The following COL4A6 variants were observed in gnomAD, a reference collection of about 807,000 sequenced individuals.
COL4A6 encodes the protein collagen alpha-6(IV) chain.
A neutral mutation model predicts 126.7 loss-of-function variants in COL4A6; 59 were observed. The ratio of observed to expected loss-of-function variants is 0.47; its 90% CI spans 0.38 to 0.58. COL4A6 has a LOEUF of 0.58. Among genes scored for constraint, COL4A6 ranks in the 20% least tolerant of loss-of-function variants. The pLI, the probability that COL4A6 is intolerant of heterozygous loss-of-function variation, is 0.00. For synonymous variants in COL4A6, 547 were observed against 496.6 expected (o/e 1.10, Z -1.35); for missense variants, 1,285 against 1,337.3 (o/e 0.96, Z 0.61).
chrX:108,300,366 C>CTCTGTG (rs1337028378), intron 3 of COL4A6, among the ~76,000 whole-genome samples: 164 of 98,172 alleles, frequency 1.7e-3, no homozygotes, highest in African/African-American at 5.8e-3. Context: ...CTCTCTCTCT[C>CTCTGTG]TGTGTGTGTG....
At chrX:108,436,695 C>A (rs2064273852) in intron 2 of COL4A6, among the ~76,000 whole-genome samples, 1 of 111,808 alleles carries the variant, frequency 8.9e-6, no homozygotes. Context: ...CTTACGAAGT[C>A]CAGAATTTAC....
intron 3 of COL4A6, among the ~76,000 whole-genome samples, chrX:108,276,776 G>T (rs2037615348): frequency 8.9e-6 from 1 of 111,869 alleles, no homozygotes; most frequent in Admixed American, 9.5e-5. Context: ...AAAGGTGTTT[G>T]CTGCTTGGCT....
At chrX:108,277,429 G>A (rs1475605991) in intron 3 of COL4A6, among the ~76,000 whole-genome samples, 2 of 112,517 alleles carry the variant, frequency 1.8e-5, no homozygotes, top group Non-Finnish European at 3.8e-5. Flanking sequence ...TGGCAGCGAG[G>A]CTGGGGGATG....
chrX:108,234,493 C>G (rs1490316493), intron 3 of COL4A6, among the ~76,000 whole-genome samples: 1 of 111,982 alleles, frequency 8.9e-6, no homozygotes, highest in African/African-American at 3.2e-5. Flanking sequence ...ACTGACAACT[C>G]ATCGGTTCAG....
intron 3 of COL4A6, among the ~76,000 whole-genome samples, chrX:108,292,517 T>C (rs1358826094): frequency 1.8e-5 from 2 of 111,881 alleles, no homozygotes; most frequent in Non-Finnish European, 1.9e-5. Flanking sequence ...CTCCCGCTTG[T>C]TGCATTTTCT....
At chrX:108,300,581 T>C (rs2038460616) in intron 3 of COL4A6, among the ~76,000 whole-genome samples, 1 of 110,951 alleles carries the variant, frequency 9.0e-6, no homozygotes, top group South Asian at 3.9e-4. Flanking sequence ...AAATTAATAT[T>C]CCTAAAGAAA....
At chrX:108,412,284 A>T (rs938843863) in intron 2 of COL4A6, among the ~76,000 whole-genome samples, 3 of 112,293 alleles carry the variant, frequency 2.7e-5, no homozygotes, top group Non-Finnish European at 5.6e-5. Context: ...TACTTAGAGA[A>T]TATGGCACAA....
intron 17 of COL4A6, 61 bp downstream of exon 17, chrX:108,193,567 A>G: frequency 1.1e-6 from 1 of 923,482 alleles, no homozygotes; most frequent in South Asian, 2.1e-5. Context: ...TAATAATTAC[A>G]GGGGATATAG....
chrX:108,221,163 G>T, intron 4 of COL4A6, 77 bp downstream of exon 4: 1 of 1,152,697 alleles, frequency 8.7e-7, no homozygotes. Context: ...TAAATGAGCA[G>T]AACTGGGATG....
At chrX:108,412,462 T>G (rs2041351106) in intron 2 of COL4A6, among the ~76,000 whole-genome samples, 1 of 111,834 alleles carries the variant, frequency 8.9e-6, no homozygotes. Flanking sequence ...AATCCAAGAC[T>G]GCCATGAATT....
chrX:108,387,267 TTGATGGGGATAGCAC>T (rs1368208218), intron 2 of COL4A6, among the ~76,000 whole-genome samples: 1 of 112,196 alleles, frequency 8.9e-6, no homozygotes, highest in Non-Finnish European at 1.9e-5. Context: ...CAATGGTAGC[TTGATGGGGATAGCAC>T]TGAATCTATA....
At chrX:108,157,883 C>T (rs1602692828) in intron 44 of COL4A6, among the ~76,000 whole-genome samples, 1 of 112,006 alleles carries the variant, frequency 8.9e-6, no homozygotes, top group South Asian at 3.8e-4. Flanking sequence ...TCTCTCCACA[C>T]TCCTGCCTGT....
At chrX:108,316,232 C>T (rs1379773198) in intron 2 of COL4A6, among the ~76,000 whole-genome samples, 1 of 112,065 alleles carries the variant, frequency 8.9e-6, no homozygotes, top group Non-Finnish European at 1.9e-5. Flanking sequence ...ATTTTATTCT[C>T]ACCATTCATT....
At chrX:108,279,012 C>A (rs1411115936) in intron 3 of COL4A6, among the ~76,000 whole-genome samples, 2 of 111,959 alleles carry the variant, frequency 1.8e-5, no homozygotes, top group Non-Finnish European at 3.8e-5. Flanking sequence ...CGGAAAGGAA[C>A]AACCGGTACC....
chrX:108,301,445 G>T (rs993835576), intron 3 of COL4A6, among the ~76,000 whole-genome samples: 6 of 111,789 alleles, frequency 5.4e-5, no homozygotes, highest in Non-Finnish European at 9.4e-5. Context: ...GGTGGAGGAC[G>T]AAGGGCAATT....
intron 2 of COL4A6, among the ~76,000 whole-genome samples, chrX:108,426,080 T>C (rs760173076): frequency 9.0e-6 from 1 of 111,556 alleles, no homozygotes; most frequent in African/African-American, 3.3e-5. Context: ...AAAGACAATA[T>C]AAATCTCATA....
At chrX:108,343,169 T>TA (rs2039623631) in intron 2 of COL4A6, among the ~76,000 whole-genome samples, 5 of 62,112 alleles carry the variant, frequency 8.0e-5, no homozygotes, top group Non-Finnish European at 1.5e-4. Flanking sequence ...ATATATAGTG[T>TA]GTGTGTGTGT....
At chrX:108,382,711 C>T (rs2040584422) in intron 2 of COL4A6, among the ~76,000 whole-genome samples, 2 of 110,078 alleles carry the variant, frequency 1.8e-5, no homozygotes, top group Non-Finnish European at 3.8e-5. Flanking sequence ...CTTTGGCAGG[C>T]AGAGGTGGGT....
chrX:108,427,070 C>T (rs1041907485), intron 2 of COL4A6, among the ~76,000 whole-genome samples: 13 of 111,744 alleles, frequency 1.2e-4, no homozygotes, highest in South Asian at 7.5e-4. Context: ...GAGAACTGGA[C>T]GCAAAATAAG....
Sources: gnomAD v4.1 joint callset for allele counts (sites outside exome capture counted in the v4.1 genomes callset) on GRCh38, gnomAD v4.1.1 for gene constraint, MANE v1.5 for transcripts, NCBI Gene and HGNC (gene_info 2026-07-23, HGNC 2026-07-21) for gene names.